The following TRIM4 variants were observed in gnomAD, a reference collection of about 807,000 sequenced individuals.
TRIM4 encodes the protein tripartite motif containing 4, also known as E3 ubiquitin-protein ligase TRIM4.
TRIM4 carries 29 observed loss-of-function variants against 33.7 expected under a neutral mutation model. The observed-to-expected ratio is 0.86, with a 90% CI of 0.64 to 1.17. The LOEUF (loss-of-function observed/expected upper bound fraction) is 1.17. Among genes scored for constraint, TRIM4 ranks in the 50% most tolerant of loss-of-function variants. TRIM4 has a pLI of 0.00. For synonymous variants in TRIM4, 224 were observed against 233.0 expected, an observed-to-expected ratio of 0.96 and a Z score of 0.35; for missense variants, 554 against 593.7, an observed-to-expected ratio of 0.93 and a Z score of 0.69.
chr7:99,917,134 C>G (rs775331530), intron 1 of TRIM4, among the ~76,000 whole-genome samples: 7 of 152,336 alleles, frequency 4.6e-5, no homozygotes, highest in Middle Eastern at 3.4e-3. Context: ...GTGATCACTC[C>G]GACCTCAGAC....
chr7:99,917,676 A>C (rs1819586072), intron 1 of TRIM4: 1 of 391,588 alleles, frequency 2.6e-6, no homozygotes, highest in South Asian at 1.0e-4. Flanking sequence ...TTGAGATCTC[A>C]CCACTGCATT....
chr7:99,905,857 A>C (rs551970560), intron 3 of TRIM4, among the ~76,000 whole-genome samples: 13 of 152,326 alleles, frequency 8.5e-5, no homozygotes, highest in African/African-American at 3.1e-4. Flanking sequence ...AAATAAGCAC[A>C]ACGAGTGCTG....
intron 5 of TRIM4, among the ~76,000 whole-genome samples, 167 bp downstream of exon 5, chr7:99,903,051 T>G (rs907872212): frequency 2.0e-5 from 3 of 152,144 alleles, no homozygotes; most frequent in African/African-American, 7.2e-5. Context: ...CTTGTAACAG[T>G]GCGTTAAATA....
At position 99,914,366 on chromosome 7, in the gene TRIM4, G is replaced by A. The variant is rs555331472; in HGVS notation, c.393+4643C>T. 7.2e-5 allele frequency among the ~76,000 whole-genome samples: 11 copies of A among 152,228 alleles called. No individual in the cohort carries two copies. In the East Asian group the frequency reaches 2.1e-3, roughly 29 times the overall value. ...AGAGATGGGATCTCACAGTTGCCTA[G>A]GCTGGTCTTGAACTCCCGGACTCAA... On this transcript the variant is annotated intron_variant, in intron 1 of 5. Transcript: ENST00000349062.
chr7:99,918,908 G>A, intron 1 of TRIM4, 101 bp downstream of exon 1: 1 of 1,364,822 alleles, frequency 7.3e-7, no homozygotes, highest in Non-Finnish European at 9.6e-7. Flanking sequence ...CATGCTTCCA[G>A]TAGGAATGAC....
At chr7:99,908,509 G>T in intron 3 of TRIM4, 73 bp downstream of exon 3, 2 of 1,211,340 alleles carry the variant, frequency 1.7e-6, no homozygotes, top group Non-Finnish European at 2.3e-6. Context: ...CACCAGGAAG[G>T]ACATTCAGCT....
At chr7:99,917,206 C>T (rs774000696) in intron 1 of TRIM4, among the ~76,000 whole-genome samples, 2 of 152,230 alleles carry the variant, frequency 1.3e-5, no homozygotes, top group Admixed American at 6.5e-5. Context: ...ATGTTGTACA[C>T]GCTTAAGTTC....
In TRIM4 at chr7:99,900,458, T is replaced by C. The variant is rs188954713; in HGVS notation, c.841+2760A>G. Among the ~76,000 whole-genome samples, 22 of 152,346 alleles carry C rather than the reference T, an allele frequency of 1.4e-4. 1 individual carries two copies. The highest frequency in any genetic ancestry group is 8.5e-4 in the Admixed American group (13 of 15,308). ...ACTCTGTGGCCCAGTCAAGTTGATG[T>C]ATAAACTTACCATCGCAATTCCTTT... On this transcript the variant is annotated intron_variant, in intron 5 of 5. Coordinates refer to ENST00000349062, the MANE Select transcript of TRIM4 (RefSeq NM_033091.3).
chr7:99,903,854 G>A (rs977524719), intron 3 of TRIM4, among the ~76,000 whole-genome samples: 9 of 152,092 alleles, frequency 5.9e-5, no homozygotes, highest in Non-Finnish European at 1.2e-4. Flanking sequence ...GCTTCCTGCC[G>A]GCCTCCCCAA....
At chr7:99,896,982 G>C (rs1297524847) in intron 5 of TRIM4, among the ~76,000 whole-genome samples, 1 of 152,236 alleles carries the variant, frequency 6.6e-6, no homozygotes, top group Non-Finnish European at 1.5e-5. Flanking sequence ...TGCAACTAGG[G>C]AGATATTAGC....
chr7:99,910,459 G>A (rs1015450228), intron 1 of TRIM4, among the ~76,000 whole-genome samples: 2 of 152,166 alleles, frequency 1.3e-5, no homozygotes, highest in African/African-American at 4.8e-5. Flanking sequence ...ATCAATTTCA[G>A]GTAGCTGTCT....
intron 2 of TRIM4, 136 bp downstream of exon 2, chr7:99,909,429 G>T (rs1449534387): frequency 4.7e-6 from 3 of 637,734 alleles, no homozygotes; most frequent in African/African-American, 1.8e-5. Context: ...TGATATGGAG[G>T]AAACAGAGGT....
At chr7:99,909,884 G>A (rs772661593) in intron 1 of TRIM4, among the ~76,000 whole-genome samples, 3 of 151,024 alleles carry the variant, frequency 2.0e-5, no homozygotes, top group Non-Finnish European at 3.0e-5. Flanking sequence ...GGCATGCTCC[G>A]TCAGGTCCAA....
At chr7:99,912,532 A>T (rs1435708894) in intron 1 of TRIM4, among the ~76,000 whole-genome samples, 1 of 29,168 alleles carries the variant, frequency 3.4e-5, no homozygotes, top group African/African-American at 8.5e-4. Context: ...TCTACATATT[A>T]AAAAAAAAAA....
chr7:99,904,297 G>GA (rs1411100275), intron 3 of TRIM4, among the ~76,000 whole-genome samples: 2 of 151,860 alleles, frequency 1.3e-5, no homozygotes, highest in Non-Finnish European at 2.9e-5. Flanking sequence ...GCCTAATCAA[G>GA]AAAAAAACAG....
chr7:99,907,641 GAAGTC>G (rs1819338462), intron 3 of TRIM4, among the ~76,000 whole-genome samples: 1 of 152,144 alleles, frequency 6.6e-6, no homozygotes, highest in African/African-American at 2.4e-5. Flanking sequence ...ATAATTCTTG[GAAGTC>G]ATTACATTTA....
At chr7:99,903,984 A>G (rs1434688014) in intron 3 of TRIM4, among the ~76,000 whole-genome samples, 1 of 152,190 alleles carries the variant, frequency 6.6e-6, no homozygotes, top group Non-Finnish European at 1.5e-5. Context: ...TTAAATTATA[A>G]TCGCAAGGGA....
At chr7:99,893,095 C>CA (rs1242230433) in intron 5 of TRIM4, among the ~76,000 whole-genome samples, 2 of 151,870 alleles carry the variant, frequency 1.3e-5, no homozygotes, top group African/African-American at 4.8e-5. Flanking sequence ...CTGAAAATAC[C>CA]AAAAAACAAA....
At chr7:99,910,915 G>A (rs927932896) in intron 1 of TRIM4, among the ~76,000 whole-genome samples, 6 of 152,204 alleles carry the variant, frequency 3.9e-5, no homozygotes, top group African/African-American at 1.4e-4. Flanking sequence ...AGGAACTGAT[G>A]ATCAAATGGC....
Sources: gnomAD v4.1 joint callset for allele counts (sites outside exome capture counted in the v4.1 genomes callset) on GRCh38, gnomAD v4.1.1 for gene constraint, MANE v1.5 for transcripts, NCBI Gene and HGNC (gene_info 2026-07-23, HGNC 2026-07-21) for gene names.